The following LRP1B variants were observed in gnomAD, a reference collection of about 807,000 sequenced individuals.
The protein encoded by LRP1B is low-density lipoprotein receptor-related protein 1B.
A neutral mutation model predicts 556.6 loss-of-function variants in LRP1B; 217 were observed. The ratio of observed to expected loss-of-function variants is 0.39; its 90% CI spans 0.35 to 0.44. The LOEUF (loss-of-function observed/expected upper bound fraction) is 0.44. Ranked by LOEUF, LRP1B falls within the 20% of genes least tolerant of loss-of-function variation. The pLI is 1.00. For missense variants in LRP1B, 5,053 were observed against 5,620.8 expected, an observed-to-expected ratio of 0.90 and a Z score of 3.23; for synonymous variants, 2,047 against 1,865.8, an observed-to-expected ratio of 1.10 and a Z score of -2.50.
intron 7 of LRP1B, among the ~76,000 whole-genome samples, chr2:141,073,257 C>T (rs1013226991): frequency 6.6e-6 from 1 of 151,974 alleles, no homozygotes; most frequent in African/African-American, 2.4e-5. Flanking sequence ...CAGAAGTTAC[C>T]AAGTATTTTC....
chr2:141,665,920 A>G (rs1169543396), intron 2 of LRP1B, among the ~76,000 whole-genome samples: 3 of 152,036 alleles, frequency 2.0e-5, no homozygotes, highest in South Asian at 2.1e-4. Context: ...AGAACGACAC[A>G]TGGACATAGG....
intron 41 of LRP1B, among the ~76,000 whole-genome samples, chr2:140,662,904 G>A (rs1336505283): frequency 6.6e-6 from 1 of 152,132 alleles, no homozygotes; most frequent in Non-Finnish European, 1.5e-5. Context: ...GATTGCAAAA[G>A]TATTGATAAC....
intron 41 of LRP1B, among the ~76,000 whole-genome samples, chr2:140,651,304 A>C (rs1337062897): frequency 5.2e-4 from 68 of 129,686 alleles, no homozygotes; most frequent in African/African-American, 2.0e-3. Flanking sequence ...TTGAACAATG[A>C]GATCACATGG....
At chr2:141,624,395 A>G (rs984516194) in intron 2 of LRP1B, among the ~76,000 whole-genome samples, 1 of 152,240 alleles carries the variant, frequency 6.6e-6, no homozygotes, top group African/African-American at 2.4e-5. Context: ...AGCTAGTTGA[A>G]TAAAAGAGGA....
chr2:141,594,126 A>T (rs987122046), intron 2 of LRP1B, among the ~76,000 whole-genome samples: 1 of 152,240 alleles, frequency 6.6e-6, no homozygotes, highest in East Asian at 1.9e-4. Flanking sequence ...AGTCCATAAG[A>T]GGCCCCAGAC....
chr2:141,206,703 T>C (rs930992074), intron 6 of LRP1B, among the ~76,000 whole-genome samples: 1 of 152,162 alleles, frequency 6.6e-6, no homozygotes, highest in African/African-American at 2.4e-5. Flanking sequence ...TTTGAGGTGA[T>C]TGGAAAGCTT....
chr2:140,251,431 T>C (rs557208821), intron 86 of LRP1B, among the ~76,000 whole-genome samples: 1 of 152,064 alleles, frequency 6.6e-6, no homozygotes, highest in Non-Finnish European at 1.5e-5. Context: ...CTTGTCATTT[T>C]GCAGAAATGT....
chr2:140,479,352 G>A (rs548877847), intron 59 of LRP1B, among the ~76,000 whole-genome samples: 42 of 151,436 alleles, frequency 2.8e-4, no homozygotes, highest in African/African-American at 9.5e-4. Context: ...GACAACTGCC[G>A]TGAAAATGTT....
In LRP1B at chr2:140,601,598, C is replaced by A. The variant is rs2105199329; in HGVS notation, c.6841G>T (p.Asp2281Tyr). 1 of 1,608,470 alleles carries A rather than the reference C, an allele frequency of 6.2e-7. No homozygotes were observed. The highest frequency in any genetic ancestry group is 8.5e-7 in the Non-Finnish European group (1 of 1,176,464). The change falls in exon 42 of 91, where the codon GAT becomes TAT. Residue 2281 changes from aspartate to tyrosine, a missense_variant. Asp to Tyr is a radical substitution (Grantham distance 160). This residue lies in a region of LRP1B where 3,619 missense variants were observed against 3,931.9 expected (regional missense o/e 0.92). Transcript: ENST00000389484. ...GTAGAGCTTGTCCAGTACAGTGTAT[C>A]CCAGGCTCTGTGATAGGCAAGTCCT... ...VEGLAYHRAW[D>Y]TLYWTSSTTS...
chr2:141,141,367 G>C (rs1701648350), intron 7 of LRP1B, among the ~76,000 whole-genome samples: 1 of 151,930 alleles, frequency 6.6e-6, no homozygotes, highest in Non-Finnish European at 1.5e-5. Flanking sequence ...ATGGTTTTAT[G>C]TGTCAAATCA....
At chr2:141,698,848 T>C (rs1339199778) in intron 2 of LRP1B, among the ~76,000 whole-genome samples, 2 of 151,806 alleles carry the variant, frequency 1.3e-5, no homozygotes, top group African/African-American at 4.8e-5. Context: ...CCTGCCCCAC[T>C]CCTAATGAAA....
At chr2:141,491,847 A>C (rs1243737994) in intron 2 of LRP1B, among the ~76,000 whole-genome samples, 1 of 152,036 alleles carries the variant, frequency 6.6e-6, no homozygotes, top group East Asian at 1.9e-4. Context: ...TCTTTTTAAG[A>C]TACCTGTAAA....
intron 1 of LRP1B, among the ~76,000 whole-genome samples, chr2:141,889,652 G>A (rs11895935): frequency 0.43 from 66,023 of 151,832 alleles, 14,556 homozygotes; most frequent in Admixed American, 0.51. Flanking sequence ...CACAGTGACT[G>A]TCACACTTTG....
chr2:141,940,543 T>C (rs568553573), intron 1 of LRP1B, among the ~76,000 whole-genome samples: 3 of 152,168 alleles, frequency 2.0e-5, no homozygotes, highest in African/African-American at 4.8e-5. Flanking sequence ...AAACAGACAG[T>C]TGGGGAAAAA....
chr2:141,287,985 T>C (rs941144020), intron 3 of LRP1B, among the ~76,000 whole-genome samples: 1 of 152,180 alleles, frequency 6.6e-6, no homozygotes, highest in African/African-American at 2.4e-5. Context: ...TTTATATGTA[T>C]GTGTGGTGTG....
At chr2:142,025,143 C>T (rs931503028) in intron 1 of LRP1B, among the ~76,000 whole-genome samples, 4 of 152,018 alleles carry the variant, frequency 2.6e-5, no homozygotes, top group South Asian at 2.1e-4. Context: ...TGTCATCTAA[C>T]TCTCCTCTTT....
intron 3 of LRP1B, among the ~76,000 whole-genome samples, chr2:141,314,843 T>TAC (rs1322135916): frequency 2.6e-4 from 34 of 132,960 alleles, no homozygotes; most frequent in East Asian, 1.5e-3. Flanking sequence ...TATATATATA[T>TAC]ACACATATAT....
At chr2:141,455,609 T>C (rs868241425) in intron 3 of LRP1B, among the ~76,000 whole-genome samples, 6 of 152,046 alleles carry the variant, frequency 3.9e-5, no homozygotes, top group Non-Finnish European at 7.4e-5. Context: ...GAAATCTAAA[T>C]AGACCCCACT....
intron 7 of LRP1B, among the ~76,000 whole-genome samples, chr2:141,155,609 G>T (rs1350100681): frequency 6.6e-6 from 1 of 151,516 alleles, no homozygotes; most frequent in East Asian, 1.9e-4. Context: ...CTATACTTTT[G>T]ATTTTTTATA....
Sources: gnomAD v4.1 joint callset for allele counts (sites outside exome capture counted in the v4.1 genomes callset) on GRCh38, gnomAD v4.1.1 for gene constraint, gnomAD v4.1.1 regional missense constraint, MANE v1.5 for transcripts, NCBI Gene and HGNC (gene_info 2026-07-23, HGNC 2026-07-21) for gene names.